The following SH3D19 variants were observed in gnomAD, a reference collection of about 807,000 sequenced individuals.
The protein encoded by SH3D19 is SH3 domain-containing protein 19.
SH3D19 carries 58 observed loss-of-function variants against 112.1 expected under a neutral mutation model. That is an observed-to-expected ratio of 0.52 (90% confidence interval 0.42 to 0.64). SH3D19 has a LOEUF of 0.64. Ranked by LOEUF, SH3D19 falls within the 30% of genes least tolerant of loss-of-function variation. SH3D19 has a pLI of 0.00. For missense variants in SH3D19, 1,090 were observed against 1,263.4 expected (o/e 0.86, Z 2.08); for synonymous variants, 391 against 448.5 (o/e 0.87, Z 1.62).
intron 1 of SH3D19, among the ~76,000 whole-genome samples, chr4:151,253,719 C>T (rs112655249): frequency 2.8e-5 from 4 of 144,932 alleles, no homozygotes; most frequent in African/African-American, 1.0e-4. Context: ...CCAGCCTGGG[C>T]GACAGAGCGA....
chr4:151,218,445 G>A (rs919684525), intron 2 of SH3D19, among the ~76,000 whole-genome samples: 1 of 151,264 alleles, frequency 6.6e-6, no homozygotes, highest in African/African-American at 2.4e-5. Flanking sequence ...TTAAGAGACA[G>A]GGTCTCACTC....
At chr4:151,223,642 C>G (rs17633600) in intron 2 of SH3D19, among the ~76,000 whole-genome samples, 12,013 of 152,228 alleles carry the variant, frequency 0.079, 619 homozygotes, top group East Asian at 0.19. Flanking sequence ...AGCCAGTTAT[C>G]GTTTCCATCC....
chr4:151,172,306 A>T (rs1759194381), intron 7 of SH3D19, among the ~76,000 whole-genome samples: 1 of 152,186 alleles, frequency 6.6e-6, no homozygotes, highest in African/African-American at 2.4e-5. Context: ...GGTGATCCTG[A>T]AGGCCTTTGG....
intron 1 of SH3D19, among the ~76,000 whole-genome samples, chr4:151,245,663 G>A (rs573561932): frequency 3.3e-5 from 5 of 152,310 alleles, no homozygotes; most frequent in Non-Finnish European, 5.9e-5. Flanking sequence ...GTGCAGTGGC[G>A]CAGTCCTGGC....
intron 1 of SH3D19, among the ~76,000 whole-genome samples, chr4:151,323,810 A>G (rs1285586729): frequency 6.6e-6 from 1 of 152,224 alleles, no homozygotes; most frequent in African/African-American, 2.4e-5. Context: ...AATGATAAAC[A>G]CACATCTGGA....
intron 1 of SH3D19, chr4:151,280,053 A>ACCCAGG: frequency 1.4e-6 from 2 of 1,402,188 alleles, no homozygotes; most frequent in East Asian, 2.3e-5. Flanking sequence ...AAGTGGTAAA[A>ACCCAGG]TAGGCAGGGC....
intron 1 of SH3D19, among the ~76,000 whole-genome samples, chr4:151,296,182 T>C (rs553203618): frequency 6.6e-6 from 1 of 152,336 alleles, no homozygotes; most frequent in East Asian, 1.9e-4. Flanking sequence ...TTTTAAAACA[T>C]GAACAGGGAG....
chr4:151,237,178 T>C (rs902361444), intron 1 of SH3D19, among the ~76,000 whole-genome samples: 1 of 152,138 alleles, frequency 6.6e-6, no homozygotes, highest in Non-Finnish European at 1.5e-5. Context: ...TGAACAACTC[T>C]GGACACGCCG....
chr4:151,123,193 C>A (rs571873333), intron 19 of SH3D19, among the ~76,000 whole-genome samples: 6 of 152,198 alleles, frequency 3.9e-5, no homozygotes, highest in Admixed American at 3.3e-4. Context: ...GAAAAAGAAA[C>A]CAAAACTCAG....
At chr4:151,164,333 G>T (rs1300596358) in intron 8 of SH3D19, among the ~76,000 whole-genome samples, 1 of 152,148 alleles carries the variant, frequency 6.6e-6, no homozygotes, top group Non-Finnish European at 1.5e-5. Flanking sequence ...GCAGTGCCAT[G>T]AACTGCTCTG....
chr4:151,221,885 A>C (rs983176161), intron 2 of SH3D19, among the ~76,000 whole-genome samples: 1 of 152,248 alleles, frequency 6.6e-6, no homozygotes, highest in Non-Finnish European at 1.5e-5. Flanking sequence ...TGGGAGTGTA[A>C]GTCCACAACA....
chr4:151,294,039 G>A (rs896023198), intron 1 of SH3D19, among the ~76,000 whole-genome samples: 8 of 152,200 alleles, frequency 5.3e-5, no homozygotes, highest in African/African-American at 1.7e-4. Context: ...ATAGCACTAT[G>A]AAGCCCTCCT....
chr4:151,199,838 A>G (rs1764136415), intron 2 of SH3D19, among the ~76,000 whole-genome samples: 2 of 152,344 alleles, frequency 1.3e-5, no homozygotes, highest in Non-Finnish European at 2.9e-5. Context: ...TTACTTTAAA[A>G]AATATATATT....
chr4:151,269,257 T>C (rs1773050514), intron 1 of SH3D19, among the ~76,000 whole-genome samples: 1 of 152,248 alleles, frequency 6.6e-6, no homozygotes, highest in Non-Finnish European at 1.5e-5. Context: ...AAGTGTCTGT[T>C]CATGTCCTTT....
At chr4:151,304,264 C>T (rs1174248786) in intron 1 of SH3D19, among the ~76,000 whole-genome samples, 1 of 152,162 alleles carries the variant, frequency 6.6e-6, no homozygotes, top group Non-Finnish European at 1.5e-5. Context: ...ATCAACTTTT[C>T]AGAACTCTAG....
chr4:151,120,482 T>G lies in SH3D19; in HGVS notation c.*1609A>C, dbSNP rs1747828962. On this transcript the variant is annotated 3_prime_UTR_variant, in exon 20 of 20. Transcript: ENST00000604030. ...ATGTTCCATTCCATATCCTTCCTGC[T>G]GTTGTACAGTTTGCTGCAAATGATA... 6.6e-6 allele frequency: 1 copy of G among 152,428 alleles called. No homozygotes were observed. 9.4% of individuals were successfully genotyped at this position (152,428 alleles called of 1,614,324 possible).
At chr4:151,311,454 A>G (rs1000911295) in intron 1 of SH3D19, among the ~76,000 whole-genome samples, 2 of 152,150 alleles carry the variant, frequency 1.3e-5, no homozygotes, top group African/African-American at 2.4e-5. Context: ...AACCTGGAGG[A>G]CATTATGCTA....
chr4:151,144,696 A>G (rs1753623581), intron 11 of SH3D19, among the ~76,000 whole-genome samples: 1 of 152,156 alleles, frequency 6.6e-6, no homozygotes, highest in Non-Finnish European at 1.5e-5. Context: ...CCCTCCGTGT[A>G]CTGCCTGCCT....
chr4:151,232,934 C>T (rs929721752), intron 1 of SH3D19, among the ~76,000 whole-genome samples: 5 of 152,194 alleles, frequency 3.3e-5, no homozygotes. Context: ...GTCCCCAACC[C>T]CTCTGCCATG....
Sources: gnomAD v4.1 joint callset for allele counts (sites outside exome capture counted in the v4.1 genomes callset) on GRCh38, gnomAD v4.1.1 for gene constraint, MANE v1.5 for transcripts, NCBI Gene and HGNC (gene_info 2026-07-23, HGNC 2026-07-21) for gene names.